CDH8: variants seen among roughly 807,000 people sequenced by gnomAD.
The protein encoded by CDH8 is cadherin-8.
CDH8 carries 17 observed loss-of-function variants against 68.1 expected under a neutral mutation model. The observed-to-expected ratio is 0.25, with a 90% confidence interval of 0.17 to 0.37. The LOEUF (loss-of-function observed/expected upper bound fraction) is 0.37. CDH8 is among the 10% of genes least tolerant of loss of function. CDH8 has a pLI of 1.00. For missense variants in CDH8, 763 were observed against 999.3 expected (o/e 0.76, Z 3.19); for synonymous variants, 372 against 365.1 (o/e 1.02, Z -0.21).
chr16:61,827,095 C>T (rs144385501), intron 4 of CDH8, among the ~76,000 whole-genome samples: 1 of 151,818 alleles, frequency 6.6e-6, no homozygotes, highest in East Asian at 1.9e-4. Context: ...AAAACAGCAA[C>T]AAAGACAACA....
intron 2 of CDH8, among the ~76,000 whole-genome samples, chr16:62,003,394 T>C (rs1965925416): frequency 6.6e-6 from 1 of 152,226 alleles, no homozygotes; most frequent in African/African-American, 2.4e-5. Flanking sequence ...AGTACTTTTA[T>C]AAAGTATATT....
intron 3 of CDH8, among the ~76,000 whole-genome samples, chr16:61,864,671 A>G (rs1164934906): frequency 6.6e-6 from 1 of 152,164 alleles, no homozygotes; most frequent in East Asian, 1.9e-4. Context: ...TGGATCAGCC[A>G]AAGTTAGGGC....
At chr16:61,785,303 C>T (rs1370219185) in intron 8 of CDH8, among the ~76,000 whole-genome samples, 1 of 102,114 alleles carries the variant, frequency 9.8e-6, no homozygotes, top group East Asian at 3.0e-4. Context: ...GAGAATACTA[C>T]AAACACCTCT....
In CDH8 at chr16:61,817,752, A is replaced by G. The variant is rs763326848; in HGVS notation, c.1024-20T>C. 53 of 1,537,312 alleles carry G rather than the reference A, an allele frequency of 3.4e-5. No individual in the cohort carries two copies. Among genetic ancestry groups the G allele is most frequent in the African/African-American group, 1.4e-5 (1 of 72,130 alleles). On this transcript the variant is annotated intron_variant, in intron 6 of 11. Coordinates refer to ENST00000577390, the MANE Select transcript of CDH8 (RefSeq NM_001796.5). The stretch of plus-strand genomic sequence containing the variant: ...CAGAGGCTGTTAAGAAATGACAAAG[A>G]TAAATGCTTCTCACTAATGACCACA...
At chr16:61,907,032 C>T (rs1406224913) in intron 2 of CDH8, among the ~76,000 whole-genome samples, 3 of 152,194 alleles carry the variant, frequency 2.0e-5, no homozygotes, top group Non-Finnish European at 2.9e-5. Flanking sequence ...TCTTCAGTAT[C>T]ATTCATATCC....
chr16:61,725,225 T>C (rs1473440429), intron 9 of CDH8: 1 of 150,636 alleles, frequency 6.6e-6, no homozygotes, highest in Admixed American at 6.7e-5. Context: ...TGGTTTTGCA[T>C]AGGAAAGATG....
At chr16:61,725,621 C>T (rs1959336071) in intron 9 of CDH8, 1 of 150,728 alleles carries the variant, frequency 6.6e-6, no homozygotes, top group Admixed American at 6.6e-5. Flanking sequence ...ACAACTCAAT[C>T]TACCAATTTA....
intron 1 of CDH8, among the ~76,000 whole-genome samples, chr16:62,029,932 G>A (rs577934587): frequency 1.3e-5 from 2 of 152,292 alleles, no homozygotes; most frequent in Admixed American, 1.3e-4. Context: ...TGTGGAAATG[G>A]TTAAAATCAC....
intron 9 of CDH8, among the ~76,000 whole-genome samples, chr16:61,715,520 G>C (rs1370856647): frequency 6.6e-6 from 1 of 151,514 alleles, no homozygotes; most frequent in Non-Finnish European, 1.5e-5. Context: ...CTGGTTTCTA[G>C]TCAATGTTCA....
intron 10 of CDH8, among the ~76,000 whole-genome samples, 155 bp from the exon 11 acceptor site, chr16:61,655,876 T>C (rs540694446): frequency 3.3e-5 from 5 of 150,384 alleles, no homozygotes; most frequent in African/African-American, 1.2e-4. Context: ...CTCCGCACTT[T>C]TTTTTTTTTT....
At chr16:61,709,539 A>C (rs777607697) in intron 10 of CDH8, among the ~76,000 whole-genome samples, 1 of 152,128 alleles carries the variant, frequency 6.6e-6, no homozygotes, top group Non-Finnish European at 1.5e-5. Flanking sequence ...AAAAATGCAA[A>C]GGAAGGCTGT....
chr16:61,959,752 T>C (rs1965054816), intron 2 of CDH8, among the ~76,000 whole-genome samples: 1 of 150,434 alleles, frequency 6.6e-6, no homozygotes, highest in South Asian at 2.1e-4. Context: ...GATATCTATA[T>C]ATCTATATAT....
chr16:61,705,062 A>G (rs549579645), intron 10 of CDH8, among the ~76,000 whole-genome samples: 1 of 152,176 alleles, frequency 6.6e-6, no homozygotes, highest in Non-Finnish European at 1.5e-5. Flanking sequence ...CTAGTAGGCA[A>G]TCTACTAGAA....
At chr16:61,896,573 C>T (rs1198756220) in intron 3 of CDH8, among the ~76,000 whole-genome samples, 2 of 152,100 alleles carry the variant, frequency 1.3e-5, no homozygotes, top group Non-Finnish European at 2.9e-5. Flanking sequence ...AAGAAAAAAG[C>T]GATGGTAGCT....
chr16:61,988,814 C>T (rs1472719108), intron 2 of CDH8, among the ~76,000 whole-genome samples: 1 of 152,118 alleles, frequency 6.6e-6, no homozygotes, highest in Non-Finnish European at 1.5e-5. Flanking sequence ...GTGGCTCAAA[C>T]TCCTTTAAAA....
chr16:61,812,304 T>C (rs1257111443), intron 7 of CDH8, among the ~76,000 whole-genome samples: 1 of 152,120 alleles, frequency 6.6e-6, no homozygotes, highest in Non-Finnish European at 1.5e-5. Flanking sequence ...AATGCCAGAA[T>C]ACCAGTAGGA....
intron 10 of CDH8, among the ~76,000 whole-genome samples, chr16:61,666,368 T>A (rs900265499): frequency 9.2e-5 from 14 of 152,076 alleles, no homozygotes; most frequent in Admixed American, 6.6e-4. Flanking sequence ...AGTGTTTAAA[T>A]ATCTCAAGTT....
intron 2 of CDH8, among the ~76,000 whole-genome samples, chr16:61,930,477 T>G (rs1490945283): frequency 1.3e-5 from 2 of 152,218 alleles, no homozygotes; most frequent in Non-Finnish European, 2.9e-5. Flanking sequence ...TTGCTTACAC[T>G]ACAACTAGAT....
chr16:62,012,571 A>T (rs1211344514), intron 2 of CDH8, among the ~76,000 whole-genome samples: 1 of 152,214 alleles, frequency 6.6e-6, no homozygotes, highest in Non-Finnish European at 1.5e-5. Flanking sequence ...GATGGCATTG[A>T]TGTTAAGATA....
Sources: allele counts gnomAD v4.1 joint callset (sites outside exome capture counted in the v4.1 genomes callset), GRCh38; gene constraint gnomAD v4.1.1; transcripts MANE v1.5; gene names NCBI Gene and HGNC (gene_info 2026-07-23, HGNC 2026-07-21).